The following COL24A1 variants were observed in gnomAD, a reference collection of about 807,000 sequenced individuals.
COL24A1 encodes collagen type XXIV alpha 1 chain, also known as collagen alpha-1(XXIV) chain.
In COL24A1, 224 loss-of-function variants were observed where a neutral mutation model predicts 253.9. That is an observed-to-expected ratio of 0.88 (90% CI 0.79 to 0.99). The LOEUF is 0.99. COL24A1 is among the 50% of genes least tolerant of loss of function. The pLI is 0.00. For synonymous variants in COL24A1, 685 were observed against 673.7 expected, an observed-to-expected ratio of 1.02 and a Z score of -0.26; for missense variants, 2,131 against 2,068.5, an observed-to-expected ratio of 1.03 and a Z score of -0.59.
At chr1:86,015,313 C>T (rs1696887898) in intron 19 of COL24A1, among the ~76,000 whole-genome samples, 2 of 152,136 alleles carry the variant, frequency 1.3e-5, no homozygotes, top group Non-Finnish European at 2.9e-5. Context: ...AGGATTGGTA[C>T]TCTGAAAATG....
intron 7 of COL24A1, among the ~76,000 whole-genome samples, chr1:86,080,548 A>AC (rs1702560534): frequency 1.3e-5 from 2 of 152,146 alleles, no homozygotes; most frequent in Non-Finnish European, 2.9e-5. Context: ...GCACCCCATG[A>AC]ATATATACAC....
intron 53 of COL24A1, among the ~76,000 whole-genome samples, chr1:85,769,362 C>T (rs1667720286): frequency 6.6e-6 from 1 of 151,904 alleles, no homozygotes; most frequent in African/African-American, 2.4e-5. Context: ...TATAAGGCGT[C>T]TCAGGAAGGT....
At chr1:85,987,400 G>A (rs1693810108) in intron 20 of COL24A1, among the ~76,000 whole-genome samples, 1 of 151,576 alleles carries the variant, frequency 6.6e-6, no homozygotes, top group South Asian at 2.1e-4. Flanking sequence ...TGCAAATATT[G>A]TCACCCTTAA....
At chr1:86,110,290 C>T (rs1705416370) in intron 5 of COL24A1, among the ~76,000 whole-genome samples, 1 of 151,762 alleles carries the variant, frequency 6.6e-6, no homozygotes, top group African/African-American at 2.4e-5. Flanking sequence ...GTGATATCTC[C>T]ATTCCCATGC....
intron 30 of COL24A1, 25 bp downstream of exon 30, chr1:85,895,996 T>A (rs987404951): frequency 6.2e-7 from 1 of 1,603,656 alleles, no homozygotes; most frequent in South Asian, 1.1e-5. Context: ...TGTTCATCTT[T>A]AATGTGAAAT....
rs180952691 is a variant in COL24A1, at chr1:86,086,166, T to G, written c.1707+3008A>C. Among the ~76,000 whole-genome samples, 478 of 152,314 alleles carry G rather than the reference T, an allele frequency of 3.1e-3. 5 individuals carry two copies. Among genetic ancestry groups the G allele is most frequent in the African/African-American group, 0.011 (459 of 41,568 alleles). On this transcript the variant is annotated intron_variant, in intron 7 of 59. Transcript: ENST00000370571. ...AAAATGAAGTCACTGTTATCTGTCA[T>G]CCAAAACTATATTTGTTTCCTTGGC...
intron 33 of COL24A1, among the ~76,000 whole-genome samples, chr1:85,876,809 T>C (rs567387087): frequency 2.1e-4 from 32 of 152,340 alleles, no homozygotes; most frequent in Non-Finnish European, 3.8e-4. Flanking sequence ...AATGTCTCAG[T>C]ATTCTTCTAT....
chr1:85,737,909 G>C (rs974599776), intron 57 of COL24A1, among the ~76,000 whole-genome samples: 2 of 152,020 alleles, frequency 1.3e-5, no homozygotes, highest in Non-Finnish European at 2.9e-5. Flanking sequence ...TATTATCACA[G>C]TTTCACCTGT....
At chr1:86,142,339 C>T (rs1350892150) in intron 2 of COL24A1, among the ~76,000 whole-genome samples, 17 of 151,536 alleles carry the variant, frequency 1.1e-4, no homozygotes, top group Non-Finnish European at 2.1e-4. Context: ...CTGGCTAACA[C>T]GGTGAAACCC....
At chr1:86,134,377 TTGCTTTC>T (rs1649862007) in intron 2 of COL24A1, among the ~76,000 whole-genome samples, 1 of 152,024 alleles carries the variant, frequency 6.6e-6, no homozygotes, top group Non-Finnish European at 1.5e-5. Flanking sequence ...TAGTTATTTC[TTGCTTTC>T]TGCTAGCTTT....
chr1:85,731,798 AT>A (rs1324787577), intron 59 of COL24A1, among the ~76,000 whole-genome samples: 3 of 152,224 alleles, frequency 2.0e-5, no homozygotes, highest in African/African-American at 4.8e-5. Context: ...TAAATTCCAC[AT>A]TTCTAACTAG....
chr1:85,907,801 T>C (rs1684985272), intron 27 of COL24A1, among the ~76,000 whole-genome samples: 1 of 151,824 alleles, frequency 6.6e-6, no homozygotes, highest in African/African-American at 2.4e-5. Context: ...GCTATAGTCT[T>C]TAATTAAGAC....
Position 86,050,183 on chromosome 1 carries a change from A to G in COL24A1, c.1852-6T>C. 6.2e-7 allele frequency: 1 copy of G among 1,612,696 alleles called. No homozygotes were observed. Among genetic ancestry groups the G allele is most frequent in the South Asian group, 1.1e-5 (1 of 91,018 alleles). On this transcript the variant is annotated splice_polypyrimidine_tract_variant and splice_region_variant and intron_variant, in intron 10 of 59. Transcript: ENST00000370571. ...CCAGGAGAGCCAATAAAACCCTTAA[A>G]ACAAGAAAATAGTCTGTATATTAGT...
At position 85,862,872 on chromosome 1, in the gene COL24A1, T is replaced by A. The variant is rs147099795; in HGVS notation, c.3300+5647A>T. On this transcript the variant is annotated intron_variant, in intron 37 of 59. Transcript: ENST00000370571. ...GTGAAGAAAGTCAATGGTAGCTTGA[T>A]GGGGATGGCATTGAATCTATAAATT... 3.8e-3 allele frequency among the ~76,000 whole-genome samples: 574 copies of A among 152,314 alleles called. 4 individuals are homozygous for A. Among genetic ancestry groups the A allele is most frequent in the African/African-American group, 0.013 (547 of 41,576 alleles).
intron 47 of COL24A1, among the ~76,000 whole-genome samples, chr1:85,797,228 A>G (rs1570654717): frequency 6.6e-6 from 1 of 151,642 alleles, no homozygotes; most frequent in African/African-American, 2.4e-5. Flanking sequence ...AAAAAAAAAA[A>G]AAGAACATTC....
chr1:85,837,487 G>A (rs2102208257), intron 43 of COL24A1, among the ~76,000 whole-genome samples: 1 of 152,260 alleles, frequency 6.6e-6, no homozygotes, highest in African/African-American at 2.4e-5. Context: ...TGACAGAGAT[G>A]TATCAGATTA....
At chr1:86,103,637 C>A (rs1704668217) in intron 5 of COL24A1, among the ~76,000 whole-genome samples, 1 of 152,162 alleles carries the variant, frequency 6.6e-6, no homozygotes, top group South Asian at 2.1e-4. Flanking sequence ...CCTTTGCTTA[C>A]AAAGCTTAGT....
At chr1:85,874,828 T>C in intron 34 of COL24A1, 126 bp from the exon 35 acceptor site, 1 of 984,584 alleles carries the variant, frequency 1.0e-6, no homozygotes, top group Non-Finnish European at 1.5e-6. Context: ...CAAGGCCTGT[T>C]AGGAAATGGG....
chr1:85,838,593 C>A lies in COL24A1; in HGVS notation c.3673G>T (p.Gly1225Ter). Residue 1225 changes from glycine to a stop codon, truncating the protein, a stop_gained, in exon 43 of 60, where the codon GGA becomes TGA. Coordinates refer to ENST00000370571, the MANE Select transcript of COL24A1 (RefSeq NM_152890.7). LOFTEE classifies it high-confidence loss of function. ...GTATAACTTGCAATTACCTTATATC[C>A]CTCTGCTCCAGGCTCTCCTCTCTCT... The part of the protein sequence containing the change: ...QGERGEPGAE[G>*]YKGHVGVPGL... 6.2e-7 allele frequency: 1 copy of A among 1,613,598 alleles called. No individual in the cohort carries two copies. Among genetic ancestry groups the A allele is most frequent in the Non-Finnish European group, 8.5e-7 (1 of 1,179,646 alleles).
Sources: allele counts gnomAD v4.1 joint callset (sites outside exome capture counted in the v4.1 genomes callset), GRCh38; gene constraint gnomAD v4.1.1; transcripts MANE v1.5; gene names NCBI Gene and HGNC (gene_info 2026-07-23, HGNC 2026-07-21).